Variants in UPRT observed in about 807,000 individuals in gnomAD.
The protein encoded by UPRT is RP11-311P8.3.
In UPRT, 5 loss-of-function variants were observed where a neutral mutation model predicts 22.6. The observed-to-expected ratio is 0.22, with a 90% CI of 0.12 to 0.47. The LOEUF (loss-of-function observed/expected upper bound fraction) is 0.47, where lower values mean the gene tolerates loss of function less well. UPRT is among the 20% of genes least tolerant of loss of function. The probability of loss-of-function intolerance (pLI) is 0.99; values close to 1 mark genes in which losing one functional copy is unlikely to be tolerated. For missense variants in UPRT, 181 were observed against 239.9 expected (o/e 0.75, Z 1.62); for synonymous variants, 77 against 87.7 (o/e 0.88, Z 0.68).
chrX:75,205,610 A>C (rs2082363564), intron 4 of UPRT, among the ~76,000 whole-genome samples: 1 of 110,935 alleles, frequency 9.0e-6, no homozygotes, highest in African/African-American at 3.3e-5. Context: ...AAGGGACATT[A>C]GCTTTTGCCA....
chrX:75,234,342 C>CT (rs1217968012), intron 4 of UPRT, among the ~76,000 whole-genome samples: 1 of 110,952 alleles, frequency 9.0e-6, no homozygotes, highest in Non-Finnish European at 1.9e-5. Flanking sequence ...TAATGGGAGA[C>CT]TTTAACACCC....
intron 4 of UPRT, among the ~76,000 whole-genome samples, chrX:75,212,821 T>A (rs767773219): frequency 9.0e-6 from 1 of 111,456 alleles, no homozygotes; most frequent in Non-Finnish European, 1.9e-5. Flanking sequence ...TCAGGGTAAA[T>A]AGCTAATGTA....
chrX:75,227,599 T>G (rs2147639877), intron 4 of UPRT, among the ~76,000 whole-genome samples: 1 of 112,644 alleles, frequency 8.9e-6, no homozygotes, highest in African/African-American at 3.2e-5. Flanking sequence ...CGTAGTCTGA[T>G]GCTGTTTCAA....
At chrX:75,189,476 G>A (rs2082307294) in intron 4 of UPRT, among the ~76,000 whole-genome samples, 1 of 112,059 alleles carries the variant, frequency 8.9e-6, no homozygotes, top group Non-Finnish European at 1.9e-5. Flanking sequence ...GGGGTGGAGA[G>A]TTCTGTAGAT....
At chrX:75,271,537 A>C (rs1402617003), upstream of UPRT, among the ~76,000 whole-genome samples, 1 of 112,475 alleles carries the variant, frequency 8.9e-6, no homozygotes, top group South Asian at 3.6e-4. Context: ...GAAACTATAA[A>C]AATTCTAGAA....
chrX:75,209,538 A>G (rs1212629811), intron 4 of UPRT, among the ~76,000 whole-genome samples: 3 of 111,277 alleles, frequency 2.7e-5, no homozygotes, highest in African/African-American at 9.8e-5. Flanking sequence ...ATGCCCAGCT[A>G]ATTTTTGTAT....
At chrX:75,264,875 G>T (rs1181397623) in intron 4 of UPRT, among the ~76,000 whole-genome samples, 1 of 111,917 alleles carries the variant, frequency 8.9e-6, no homozygotes, top group African/African-American at 3.2e-5. Context: ...GGGCAGGCCT[G>T]GTGGTGACAA....
intron 4 of UPRT, among the ~76,000 whole-genome samples, chrX:75,265,843 C>G: frequency 9.0e-6 from 1 of 111,235 alleles, no homozygotes; most frequent in East Asian, 2.8e-4. Context: ...TGGTGACATA[C>G]AGATGGGGTT....
chrX:75,230,183 C>T (rs2082433972), intron 4 of UPRT, among the ~76,000 whole-genome samples: 1 of 111,300 alleles, frequency 9.0e-6, no homozygotes, highest in Non-Finnish European at 1.9e-5. Flanking sequence ...GCAGAGGCAA[C>T]CATAGTGCCC....
intron 4 of UPRT, among the ~76,000 whole-genome samples, chrX:75,253,224 A>G (rs761361423): frequency 8.9e-6 from 1 of 112,073 alleles, no homozygotes; most frequent in East Asian, 2.8e-4. Flanking sequence ...ATAAAAACAA[A>G]CAACCCAATT....
At chrX:75,296,464 TG>T in intron 3 of UPRT, 53 bp downstream of exon 3, 2 of 1,042,866 alleles carry the variant, frequency 1.9e-6, no homozygotes, top group Non-Finnish European at 2.7e-6. Flanking sequence ...TGAGCTAGAA[TG>T]GGGAAAGATG....
intron 4 of UPRT, among the ~76,000 whole-genome samples, chrX:75,206,299 T>G (rs1412807216): frequency 9.9e-5 from 11 of 110,989 alleles, no homozygotes; most frequent in African/African-American, 3.6e-4. Flanking sequence ...ACGGGGTGCA[T>G]GTTGGTGAAG....
intron 4 of UPRT, among the ~76,000 whole-genome samples, chrX:75,268,592 G>C: frequency 9.0e-6 from 1 of 111,629 alleles, no homozygotes; most frequent in African/African-American, 3.3e-5. Flanking sequence ...TGGGATGCAA[G>C]GCTGGTTCAA....
In UPRT at chrX:75,297,508, G is replaced by A; in HGVS notation, c.517G>A (p.Val173Met). Residue 173 changes from valine (V) to methionine (M), a missense_variant, in exon 4 of 7, where the codon GTG (valine) becomes ATG (methionine). By Grantham distance (21) the Val-to-Met change is conservative (BLOSUM62 1). Around this residue, in one of 2 missense-constraint regions of UPRT, gnomAD observed 70 missense variants for 137.0 expected, o/e 0.51. Coordinates refer to ENST00000373383, the MANE Select transcript of UPRT (RefSeq NM_145052.4). ...TTPTGYKYEG[V>M]KFEKGNCGVS... ...CCTAACAGGGTACAAGTATGAAGGAGTGAAATTTGAGAAGGGAAATTGTGG... is the reference window on the plus strand; with the variant it reads ...CCTAACAGGGTACAAGTATGAAGGAATGAAATTTGAGAAGGGAAATTGTGG... The A allele has an allele frequency of 1.7e-6, 2 of 1,211,755 alleles. No homozygotes were observed. Among genetic ancestry groups the A allele is most frequent in the Non-Finnish European group, 2.2e-6 (2 of 895,393 alleles).
chrX:75,216,212 A>G (rs1227322328), intron 4 of UPRT, among the ~76,000 whole-genome samples: 3 of 112,624 alleles, frequency 2.7e-5, no homozygotes, highest in African/African-American at 9.7e-5. Context: ...TTAGTTCAAC[A>G]TTTGAAAATC....
chrX:75,203,922 A>G (rs913795066), intron 4 of UPRT, among the ~76,000 whole-genome samples: 2 of 111,494 alleles, frequency 1.8e-5, no homozygotes, highest in Non-Finnish European at 3.8e-5. Flanking sequence ...ATTTTAATAT[A>G]AAAGGAAGAG....
chrX:75,251,317 C>T (rs775705421), intron 4 of UPRT, among the ~76,000 whole-genome samples: 1,911 of 111,299 alleles, frequency 0.017, 55 homozygotes, highest in African/African-American at 0.059. Flanking sequence ...AAAACCCGAT[C>T]GTCTCAGCCC....
intron 4 of UPRT, among the ~76,000 whole-genome samples, chrX:75,268,354 T>G (rs1363457849): frequency 9.0e-6 from 1 of 111,195 alleles, no homozygotes; most frequent in Non-Finnish European, 1.9e-5. Flanking sequence ...TACCATTCCG[T>G]TTGAAACTAT....
At chrX:75,265,355 A>G (rs1015782710) in intron 4 of UPRT, among the ~76,000 whole-genome samples, 1 of 111,209 alleles carries the variant, frequency 9.0e-6, no homozygotes, top group Non-Finnish European at 1.9e-5. Context: ...ATAGTCCCAT[A>G]TTTCTTGGAG....
Sources: gnomAD v4.1 joint callset for allele counts (sites outside exome capture counted in the v4.1 genomes callset) on GRCh38, gnomAD v4.1.1 for gene constraint, gnomAD v4.1.1 regional missense constraint, MANE v1.5 for transcripts, NCBI Gene and HGNC (gene_info 2026-07-23, HGNC 2026-07-21) for gene names.